Variants in KYNU observed in about 807,000 individuals in gnomAD.
The protein encoded by KYNU is kynureninase, also known as L-kynurenine hydrolase.
A neutral mutation model predicts 59.2 loss-of-function variants in KYNU; 54 were observed. That is an observed-to-expected ratio of 0.91 (90% CI 0.73 to 1.14). The LOEUF (loss-of-function observed/expected upper bound fraction) is 1.14, where lower values mean the gene tolerates loss of function less well. KYNU is among the 50% of genes most tolerant of loss of function. The probability of loss-of-function intolerance (pLI) is 0.00; values close to 1 mark genes in which losing one functional copy is unlikely to be tolerated. For missense variants in KYNU, 567 were observed against 554.4 expected, an observed-to-expected ratio of 1.02 and a Z score of -0.23; for synonymous variants, 177 against 192.0, an observed-to-expected ratio of 0.92 and a Z score of 0.65.
intron 10 of KYNU, among the ~76,000 whole-genome samples, chr2:143,010,476 G>C (rs1446328598): frequency 2.5e-5 from 3 of 119,982 alleles, no homozygotes; most frequent in Non-Finnish European, 5.0e-5. Context: ...CGTGAAAATG[G>C]CCATACTGCC....
intron 10 of KYNU, among the ~76,000 whole-genome samples, chr2:143,007,020 G>T (rs199534256): frequency 0.12 from 18,711 of 152,016 alleles, 1,314 homozygotes; most frequent in East Asian, 0.24. Flanking sequence ...CCAAAGGAAC[G>T]CAGTTCTTCA....
At chr2:142,978,131 C>T (rs1684942905) in intron 8 of KYNU, among the ~76,000 whole-genome samples, 1 of 152,114 alleles carries the variant, frequency 6.6e-6, no homozygotes, top group Admixed American at 6.6e-5. Context: ...ATTAGGAATT[C>T]CTTTGGGAAA....
At chr2:142,897,786 G>A (rs1371321251) in intron 2 of KYNU, among the ~76,000 whole-genome samples, 1 of 152,058 alleles carries the variant, frequency 6.6e-6, no homozygotes, top group African/African-American at 2.4e-5. Context: ...AAACAGGAGA[G>A]CATTCTAATA....
chr2:142,934,949 G>A (rs1369631886), intron 4 of KYNU, among the ~76,000 whole-genome samples: 2 of 152,248 alleles, frequency 1.3e-5, no homozygotes, highest in Non-Finnish European at 2.9e-5. Context: ...CAGGCGCCAG[G>A]TGGAGGTGGA....
intron 1 of KYNU, among the ~76,000 whole-genome samples, chr2:142,884,554 A>G (rs1681422983): frequency 1.3e-5 from 2 of 152,332 alleles, no homozygotes; most frequent in Admixed American, 1.3e-4. Context: ...GGAAGCCACA[A>G]GTGTGGTACA....
intron 13 of KYNU, among the ~76,000 whole-genome samples, chr2:143,040,886 T>A (rs1687024827): frequency 6.6e-6 from 1 of 152,096 alleles, no homozygotes; most frequent in Admixed American, 6.6e-5. Context: ...ATAGGAATAG[T>A]TTTTTGTAAC....
intron 1 of KYNU, 44 bp downstream of exon 1, chr2:142,877,780 C>T (rs888534821): frequency 1.3e-5 from 2 of 152,284 alleles, no homozygotes; most frequent in South Asian, 4.1e-4. Flanking sequence ...CTAATGTTTA[C>T]TCCATGTTTT....
chr2:142,891,446 T>G (rs1214969085), intron 2 of KYNU, among the ~76,000 whole-genome samples: 1 of 152,214 alleles, frequency 6.6e-6, no homozygotes, highest in African/African-American at 2.4e-5. Flanking sequence ...TCTCCTTCAA[T>G]CTTACCACAC....
intron 10 of KYNU, among the ~76,000 whole-genome samples, chr2:142,987,648 G>A (rs1685250246): frequency 6.6e-6 from 1 of 151,986 alleles, no homozygotes; most frequent in South Asian, 2.1e-4. Context: ...TCTGAGCTGA[G>A]GTAGTACCAG....
chr2:142,937,815 T>C (rs1359299522), intron 4 of KYNU, among the ~76,000 whole-genome samples: 2 of 152,246 alleles, frequency 1.3e-5, no homozygotes, highest in Non-Finnish European at 2.9e-5. Flanking sequence ...CAGTTCATGA[T>C]TTTCAGAGAA....
chr2:142,908,655 GATGGAGT>G (rs1682379321), intron 2 of KYNU, among the ~76,000 whole-genome samples: 1 of 147,228 alleles, frequency 6.8e-6, no homozygotes, highest in African/African-American at 2.5e-5. Flanking sequence ...TTTTTTTTGA[GATGGAGT>G]CTTGCTCTGT....
In KYNU at chr2:143,052,768, G is replaced by C. The variant is rs1687287627; in HGVS notation, c.*10596G>C. Reference sequence around the variant, plus strand: ...TTGCTGCAGGGGCAAGGCCCTCATGGAGAACCTCTGCTAGGGCAGTGAAGA... The same window carrying C: ...TTGCTGCAGGGGCAAGGCCCTCATGCAGAACCTCTGCTAGGGCAGTGAAGA... On this transcript the variant is annotated 3_prime_UTR_variant, in exon 14 of 14. Transcript: ENST00000264170. 6.6e-6 allele frequency: 1 copy of C among 152,336 alleles called. No individual in the cohort carries two copies. Among genetic ancestry groups the C allele is most frequent in the African/African-American group, 2.4e-5 (1 of 41,470 alleles). The allele number at this position is 152,336 out of a possible 1,614,324, so 9.4% of individuals were successfully genotyped here.
At chr2:142,887,927 AT>A (rs894570712) in intron 2 of KYNU, among the ~76,000 whole-genome samples, 17 of 152,312 alleles carry the variant, frequency 1.1e-4, no homozygotes, top group Admixed American at 1.0e-3. Flanking sequence ...CATTTTAAAT[AT>A]TTATCAAAAA....
intron 5 of KYNU, among the ~76,000 whole-genome samples, 157 bp downstream of exon 5, chr2:142,955,028 T>G (rs1031379485): frequency 3.9e-5 from 6 of 152,068 alleles, no homozygotes; most frequent in African/African-American, 1.4e-4. Flanking sequence ...CATGATATAA[T>G]AGCTTCTTCC....
At chr2:143,025,365 G>C (rs1484933712) in intron 10 of KYNU, among the ~76,000 whole-genome samples, 1 of 152,032 alleles carries the variant, frequency 6.6e-6, no homozygotes, top group African/African-American at 2.4e-5. Context: ...AATTTTCCTA[G>C]ATTAGCAATT....
At chr2:142,959,813 T>C (rs183615856) in intron 7 of KYNU, among the ~76,000 whole-genome samples, 13 of 152,350 alleles carry the variant, frequency 8.5e-5, no homozygotes, top group Non-Finnish European at 1.5e-4. Context: ...TGTTTGGGTC[T>C]TGAGCTTTAG....
At chr2:142,990,142 T>A (rs1474285012) in intron 10 of KYNU, 5 of 151,846 alleles carry the variant, frequency 3.3e-5, no homozygotes, top group Non-Finnish European at 7.4e-5. Context: ...CTCATTGCAA[T>A]GTCATATTCT....
chr2:142,981,163 A>G (rs1685041121), intron 8 of KYNU, among the ~76,000 whole-genome samples: 1 of 152,138 alleles, frequency 6.6e-6, no homozygotes, highest in Admixed American at 6.6e-5. Flanking sequence ...GGTACCACAA[A>G]TGTGGCCAGA....
chr2:143,012,814 C>T (rs1452938468), intron 10 of KYNU, among the ~76,000 whole-genome samples: 1 of 152,160 alleles, frequency 6.6e-6, no homozygotes, highest in Admixed American at 6.5e-5. Context: ...GTTCATCCTG[C>T]ATATCTGCTA....
Sources: allele counts gnomAD v4.1 joint callset (sites outside exome capture counted in the v4.1 genomes callset), GRCh38; gene constraint gnomAD v4.1.1; transcripts MANE v1.5; gene names NCBI Gene and HGNC (gene_info 2026-07-23, HGNC 2026-07-21).